Variants in LRP1B observed in about 807,000 individuals in gnomAD.
LRP1B encodes low-density lipoprotein receptor-related protein 1B.
LRP1B carries 217 observed loss-of-function variants against 556.6 expected under a neutral mutation model. That is an observed-to-expected ratio of 0.39 (90% CI 0.35 to 0.44). LRP1B has a LOEUF of 0.44. Among genes scored for constraint, LRP1B ranks in the 20% least tolerant of loss-of-function variants. LRP1B has a pLI of 1.00. For missense variants in LRP1B, 5,053 were observed against 5,620.8 expected (o/e 0.90, Z 3.23); for synonymous variants, 2,047 against 1,865.8 (o/e 1.10, Z -2.50).
intron 43 of LRP1B, among the ~76,000 whole-genome samples, chr2:140,554,097 T>C (rs1680643933): frequency 6.6e-6 from 1 of 152,096 alleles, no homozygotes; most frequent in African/African-American, 2.4e-5. Context: ...CATTTTTCTT[T>C]GGATAACTCT....
chr2:141,280,516 T>G (rs1685472525), intron 3 of LRP1B, among the ~76,000 whole-genome samples: 1 of 151,868 alleles, frequency 6.6e-6, no homozygotes, highest in South Asian at 2.1e-4. Flanking sequence ...TGAAAAGCAA[T>G]GGCAAAAACC....
chr2:141,939,000 G>A (rs1229656494), intron 1 of LRP1B, among the ~76,000 whole-genome samples: 1 of 151,938 alleles, frequency 6.6e-6, no homozygotes, highest in African/African-American at 2.4e-5. Flanking sequence ...TTGGAGGGGA[G>A]AGTTATGGGG....
intron 35 of LRP1B, among the ~76,000 whole-genome samples, chr2:140,722,396 G>T (rs1317714562): frequency 6.6e-6 from 1 of 152,002 alleles, no homozygotes. Context: ...TAGTAGATAG[G>T]GTTTATTTTA....
At chr2:140,605,202 T>C (rs1464588084) in intron 41 of LRP1B, among the ~76,000 whole-genome samples, 1 of 152,144 alleles carries the variant, frequency 6.6e-6, no homozygotes, top group African/African-American at 2.4e-5. Flanking sequence ...TTGATTGAAA[T>C]TATATCACCA....
intron 75 of LRP1B, among the ~76,000 whole-genome samples, chr2:140,353,511 C>G (rs982994810): frequency 6.6e-6 from 1 of 152,026 alleles, no homozygotes; most frequent in Non-Finnish European, 1.5e-5. Context: ...TTCTGATGAC[C>G]TACCTCCATG....
At chr2:140,270,680 TTTCATG>T (rs1304918213) in intron 85 of LRP1B, among the ~76,000 whole-genome samples, 1 of 151,998 alleles carries the variant, frequency 6.6e-6, no homozygotes, top group Non-Finnish European at 1.5e-5. Context: ...CTTGTTCCTT[TTTCATG>T]TAAGTAGGGT....
intron 2 of LRP1B, among the ~76,000 whole-genome samples, chr2:141,799,668 C>T (rs568451775): frequency 3.9e-5 from 6 of 152,084 alleles, no homozygotes; most frequent in African/African-American, 7.2e-5. Flanking sequence ...TCCTCACTTC[C>T]GAACCACAAA....
chr2:141,201,029 A>G (rs910132767), intron 6 of LRP1B, among the ~76,000 whole-genome samples: 13 of 152,314 alleles, frequency 8.5e-5, no homozygotes, highest in African/African-American at 2.2e-4. Flanking sequence ...CTCAAATATA[A>G]TAAGTCACTT....
At chr2:140,623,956 GTATATATA>G (rs3060390) in intron 41 of LRP1B, among the ~76,000 whole-genome samples, 2 of 106,436 alleles carry the variant, frequency 1.9e-5, no homozygotes, top group Admixed American at 1.1e-4. Flanking sequence ...TTTTATTTAT[GTATATATA>G]TATATATATA....
At position 141,320,866 on chromosome 2, in the gene LRP1B, T is replaced by C. The variant is rs139860526; in HGVS notation, c.344-66225A>G. Among the ~76,000 whole-genome samples, 524 of 152,230 alleles carry C rather than the reference T, an allele frequency of 3.4e-3. 3 individuals carry two copies. The highest frequency in any genetic ancestry group is 0.012 in the African/African-American group (505 of 41,562). ...TATGTAATGACATGTGAGAGTTTTG[T>C]TCCACGTGGGTAAGAAATAACAAAG... is the stretch of plus-strand genomic sequence containing the variant. On this transcript the variant is annotated intron_variant, in intron 3 of 90. Transcript: ENST00000389484.
chr2:142,075,261 T>C (rs982996203), intron 1 of LRP1B, among the ~76,000 whole-genome samples: 28 of 152,104 alleles, frequency 1.8e-4, no homozygotes, highest in Admixed American at 1.8e-3. Flanking sequence ...ATGTTAACCA[T>C]AGTAATCAAC....
chr2:140,845,002 A>G (rs1461511107), intron 29 of LRP1B, among the ~76,000 whole-genome samples: 4 of 152,234 alleles, frequency 2.6e-5, no homozygotes, highest in African/African-American at 9.6e-5. Context: ...GCTAAGTAAG[A>G]GTGATCTTCT....
intron 31 of LRP1B, among the ~76,000 whole-genome samples, chr2:140,838,205 A>G (rs1012743716): frequency 6.6e-6 from 1 of 152,204 alleles, no homozygotes; most frequent in Admixed American, 6.5e-5. Context: ...TGATTTGCTT[A>G]TGCTATTTCT....
At chr2:141,985,686 A>C (rs1323500074) in intron 1 of LRP1B, among the ~76,000 whole-genome samples, 2 of 151,750 alleles carry the variant, frequency 1.3e-5, no homozygotes. Flanking sequence ...TTCTATGTTG[A>C]TGTATTTACC....
In LRP1B at chr2:140,989,536, G is replaced by A. The variant is rs141468107; in HGVS notation, c.2766C>T (p.Cys922=). 1.2e-4 allele frequency: 186 copies of A among 1,612,766 alleles called. No homozygotes were observed. The highest frequency in any genetic ancestry group is 1.5e-4 in the Non-Finnish European group (178 of 1,179,258). Residue 922 remains cysteine (C), a synonymous_variant, in exon 17 of 91, where the codon TGC becomes TGT. Coordinates refer to ENST00000389484, the MANE Select transcript of LRP1B (RefSeq NM_018557.3). ...TATATCCAAGCAAACCTTTACCTGT[G>A]CAAGTTTGATTGGATTCATCTTCAT... ...GSNEDESNQT[C]TARTCQVDQF...
rs2104935110 is a variant in LRP1B at position 140,769,357 on chromosome 2, C to A, written c.5627-13G>T. ...AATGATTCTATACCTAAATGCAGGG[C>A]CGGAGATAAGGGGGGGAAGGGAAGC... On this transcript the variant is annotated splice_polypyrimidine_tract_variant and intron_variant, in intron 34 of 90. Transcript: ENST00000389484. The A allele has an allele frequency of 1.9e-6, 3 of 1,585,290 alleles. No individual in the cohort carries two copies. The highest frequency in any genetic ancestry group is 1.8e-5 in the Admixed American group (1 of 55,770).
At chr2:142,107,794 ATTTTTTT>A (rs67962280) in intron 1 of LRP1B, among the ~76,000 whole-genome samples, 19 of 110,564 alleles carry the variant, frequency 1.7e-4, no homozygotes, top group South Asian at 3.1e-4. Flanking sequence ...CGCCTAGCTA[ATTTTTTT>A]TTTTTTTTTT....
intron 2 of LRP1B, among the ~76,000 whole-genome samples, chr2:141,677,087 C>T (rs1387039809): frequency 6.6e-6 from 1 of 152,078 alleles, no homozygotes; most frequent in East Asian, 1.9e-4. Flanking sequence ...AGACTCTAGA[C>T]TATTTAGTCC....
intron 1 of LRP1B, among the ~76,000 whole-genome samples, chr2:141,992,785 C>T (rs974692856): frequency 3.3e-5 from 5 of 152,072 alleles, no homozygotes; most frequent in Admixed American, 6.6e-5. Context: ...TCATTTTCCT[C>T]CAGGACACAC....
Sources: gnomAD v4.1 joint callset for allele counts (sites outside exome capture counted in the v4.1 genomes callset) on GRCh38, gnomAD v4.1.1 for gene constraint, MANE v1.5 for transcripts, NCBI Gene and HGNC (gene_info 2026-07-23, HGNC 2026-07-21) for gene names.